TLR8: variants seen among roughly 807,000 people sequenced by gnomAD.
The protein encoded by TLR8 is toll-like receptor 8.
A neutral mutation model predicts 18.5 loss-of-function variants in TLR8; 5 were observed. The ratio of observed to expected loss-of-function variants is 0.27; its 90% CI spans 0.14 to 0.57. The LOEUF is 0.57. TLR8 is among the 20% of genes least tolerant of loss of function. The pLI is 0.92. For missense variants in TLR8, 543 were observed against 769.8 expected (o/e 0.71, Z 3.49); for synonymous variants, 299 against 300.1 (o/e 1.00, Z 0.04).
Position 12,921,026 on chromosome X carries a change from G to A in TLR8, c.1986G>A (p.Leu662=). The change falls in exon 2 of 2, where the codon TTG becomes TTA. Residue 662 remains leucine (L), a synonymous_variant. Transcript: ENST00000218032. ...TCCCAAATGAAGCATTCCTTAATTT[G>A]CCAGCGAGTCTCACTGAACTACATA... is the stretch of plus-strand genomic sequence containing the variant. The part of the protein sequence containing the change: ...KHIPNEAFLN[L]PASLTELHIN... 8.3e-7 allele frequency: 1 copy of A among 1,210,528 alleles called. No homozygotes were observed. Among genetic ancestry groups the A allele is most frequent in the South Asian group, 1.8e-5 (1 of 56,943 alleles).
rs1255052346 is a variant in TLR8 at position 12,920,041 on chromosome X, C to T, written c.1001C>T (p.Thr334Met). The change falls in exon 2 of 2, where the codon ACG becomes ATG. Residue 334 changes from threonine to methionine, a missense_variant. Thr to Met is a moderately conservative substitution (Grantham distance 81). Around this residue, in one of 4 missense-constraint regions of TLR8, gnomAD observed 185 missense variants for 298.9 expected, o/e 0.62. Coordinates refer to ENST00000218032, the MANE Select transcript of TLR8 (RefSeq NM_138636.5). ...GAAATAGCCTCTGGGGCATTTTTAA[C>T]GATGCTGCCCCGCTTAGAAATACTT... Reference protein sequence around the residue: ...VGEIASGAFLTMLPRLEILDL... With the variant: ...VGEIASGAFLMMLPRLEILDL... 1.7e-6 allele frequency: 2 copies of T among 1,208,984 alleles called. No individual in the cohort carries two copies. The highest frequency in any genetic ancestry group is 3.0e-5 in the East Asian group (1 of 33,785).
intron 1 of TLR8, among the ~76,000 whole-genome samples, chrX:12,909,801 C>T (rs1187773330): frequency 2.7e-5 from 3 of 112,003 alleles, no homozygotes; most frequent in African/African-American, 9.7e-5. Context: ...AAACATTCAT[C>T]TCTCTGAGCC....
intron 1 of TLR8, among the ~76,000 whole-genome samples, chrX:12,917,698 T>C (rs889259486): frequency 1.8e-5 from 2 of 112,203 alleles, no homozygotes; most frequent in African/African-American, 6.5e-5. Context: ...TTACAGAAAG[T>C]GAGGCACTCT....
chrX:12,909,906 C>T (rs2043009579), intron 1 of TLR8, among the ~76,000 whole-genome samples: 1 of 111,819 alleles, frequency 8.9e-6, no homozygotes, highest in Admixed American at 9.5e-5. Context: ...ATGCTCCCTA[C>T]CCTATTTCCC....
chrX:12,916,846 C>T (rs1245910546), intron 1 of TLR8, among the ~76,000 whole-genome samples: 2 of 110,561 alleles, frequency 1.8e-5, no homozygotes, highest in Admixed American at 9.7e-5. Flanking sequence ...GATTTCAGTT[C>T]CTTGCAGTTG....
rs191915027 is a variant in TLR8 at position 12,907,823 on chromosome X, G to A, written c.3+1114G>A. On this transcript the variant is annotated intron_variant, in intron 1 of 1. Coordinates refer to ENST00000218032, the MANE Select transcript of TLR8 (RefSeq NM_138636.5). Reference sequence around the variant, plus strand: ...ATTACAGGCATGAGCCACCGCGCCCGGCCTGAAGTTAATTTTTATACCCAC... The same window carrying A: ...ATTACAGGCATGAGCCACCGCGCCCAGCCTGAAGTTAATTTTTATACCCAC... 3.7e-3 allele frequency among the ~76,000 whole-genome samples: 407 copies of A among 110,716 alleles called. 2 individuals carry two copies. Among genetic ancestry groups the A allele is most frequent in the African/African-American group, 0.012 (375 of 30,470 alleles).
chrX:12,922,255 T>C lies in TLR8; in HGVS notation c.*89T>C. The C allele has an allele frequency of 2.8e-6, 3 of 1,077,932 alleles. No homozygotes were observed. The highest frequency in any genetic ancestry group is 3.7e-6 in the Non-Finnish European group (3 of 813,740). The allele number at this position is 1,077,932 out of a possible 1,213,427, so 88.8% of individuals were successfully genotyped here. On this transcript the variant is annotated 3_prime_UTR_variant, in exon 2 of 2. Transcript: ENST00000218032. Reference sequence around the variant, plus strand: ...TTATCTATTGCTATGTAACAAATTATCCCAAAACTTAGTGGTTTAAAACAA... The same window carrying C: ...TTATCTATTGCTATGTAACAAATTACCCCAAAACTTAGTGGTTTAAAACAA...
chrX:12,907,527 T>G (rs958280169), intron 1 of TLR8, among the ~76,000 whole-genome samples: 7 of 112,227 alleles, frequency 6.2e-5, no homozygotes. Context: ...GACAACAATT[T>G]AAAGTACACT....
intron 1 of TLR8, chrX:12,910,478 G>T: frequency 8.7e-7 from 1 of 1,155,613 alleles, no homozygotes; most frequent in South Asian, 1.9e-5. Flanking sequence ...ACAGCTTTAC[G>T]CCCCTCCCAG....
rs936256336 is a variant in TLR8 at position 12,922,414 on chromosome X, T to C, written c.*248T>C. The C allele has an allele frequency of 5.7e-6, 2 of 352,293 alleles. No individual in the cohort carries two copies. Among genetic ancestry groups the C allele is most frequent in the Middle Eastern group, 7.9e-4 (1 of 1,272 alleles). The allele number at this position is 352,293 out of a possible 1,213,427, so 29.0% of individuals were successfully genotyped here. A position where few individuals can be genotyped will look rare whatever the true frequency, so the allele number is the denominator to read the frequency against. On this transcript the variant is annotated 3_prime_UTR_variant, in exon 2 of 2. Transcript: ENST00000218032. ...ATAGGCATCACTGGGGTCACACTCA[T>C]GTGGTTGTTTTCTGGATTCAATTCC...
intron 1 of TLR8, among the ~76,000 whole-genome samples, chrX:12,909,585 T>C (rs888053255): frequency 8.9e-5 from 10 of 111,960 alleles, no homozygotes; most frequent in Middle Eastern, 4.6e-3. Flanking sequence ...TGTGGTAGCC[T>C]GCTCAGTGCA....
Position 12,921,966 on chromosome X carries a change from A to G in TLR8, c.2926A>G (p.Ile976Val). The change falls in exon 2 of 2, where the codon ATA becomes GTA. Residue 976 changes from isoleucine to valine, a missense_variant. Physicochemically the swap from Ile to Val is conservative, Grantham distance 29. Transcript: ENST00000218032. ...AATGGATGAGAACATGGATGTGATT[A>G]TATTTATCCTGCTGGAGCCAGTGTT... ...RLMDENMDVIIFILLEPVLQH... is the reference protein window; with the variant it reads ...RLMDENMDVIVFILLEPVLQH... 8.3e-7 allele frequency: 1 copy of G among 1,211,394 alleles called. No individual in the cohort carries two copies. Among genetic ancestry groups the G allele is most frequent in the South Asian group, 1.8e-5 (1 of 56,896 alleles).
At chrX:12,916,628 A>G (rs1046264469) in intron 1 of TLR8, among the ~76,000 whole-genome samples, 1 of 111,871 alleles carries the variant, frequency 8.9e-6, no homozygotes, top group African/African-American at 3.3e-5. Flanking sequence ...TAGCATCTAG[A>G]TATATTAGTT....
intron 1 of TLR8, among the ~76,000 whole-genome samples, chrX:12,907,422 A>C (rs192738668): frequency 8.9e-6 from 1 of 112,672 alleles, no homozygotes; most frequent in East Asian, 2.8e-4. Flanking sequence ...TAGAAAATTC[A>C]ATGAGGTTTA....
In TLR8 at chrX:12,921,762, A is replaced by G; in HGVS notation, c.2722A>G (p.Ser908Gly). The G allele has an allele frequency of 8.3e-7, 1 of 1,211,536 alleles. No individual in the cohort carries two copies. The highest frequency in any genetic ancestry group is 1.1e-6 in the Non-Finnish European group (1 of 895,398). The change falls in exon 2 of 2, where the codon AGC becomes GGC. Residue 908 changes from serine to glycine, a missense_variant. By Grantham distance (56) the Ser-to-Gly change is moderately conservative (BLOSUM62 0). Transcript: ENST00000218032. ...INELRYHLEE[S>G]RDKNVLLCLE... The stretch of plus-strand genomic sequence containing the variant: ...TGAGCTGCGCTACCACCTTGAAGAG[A>G]GCCGAGACAAAAACGTTCTCCTTTG...
intron 1 of TLR8, chrX:12,910,164 T>C: frequency 2.1e-6 from 1 of 467,955 alleles, no homozygotes; most frequent in Non-Finnish European, 3.4e-6. Flanking sequence ...TCAACATTGT[T>C]AACTGCGAAT....
chrX:12,921,044 A>G lies in TLR8; in HGVS notation c.2004A>G (p.Glu668=), dbSNP rs764370198. 6 of 1,210,545 alleles carry G rather than the reference A, an allele frequency of 5.0e-6. No individual in the cohort carries two copies. The South Asian group carries it at 1.1e-4, about 21-fold the overall frequency. The change falls in exon 2 of 2, where the codon GAA becomes GAG. Residue 668 remains glutamate, a synonymous_variant. Coordinates refer to ENST00000218032, the MANE Select transcript of TLR8 (RefSeq NM_138636.5). The part of the protein sequence containing the change: ...AFLNLPASLT[E]LHINDNMLKF... ...TTAATTTGCCAGCGAGTCTCACTGA[A>G]CTACATATAAATGATAATATGTTAA...
intron 1 of TLR8, among the ~76,000 whole-genome samples, chrX:12,908,040 T>C (rs778538275): frequency 9.0e-6 from 1 of 111,692 alleles, no homozygotes; most frequent in African/African-American, 3.3e-5. Context: ...ATAATTGTAC[T>C]GTAAGAATGT....
In TLR8 at chrX:12,921,059, T is replaced by C. The variant is rs371155732; in HGVS notation, c.2019T>C (p.Asp673=). The change falls in exon 2 of 2, where the codon GAT becomes GAC. Residue 673 remains aspartate (D), a synonymous_variant. Transcript: ENST00000218032. ...PASLTELHIN[D]NMLKFFNWTL... is the part of the protein sequence containing the mutation. ...GTCTCACTGAACTACATATAAATGA[T>C]AATATGTTAAAGTTTTTTAACTGGA... 8 of 1,209,962 alleles carry C rather than the reference T, an allele frequency of 6.6e-6. No individual in the cohort carries two copies. The highest frequency in any genetic ancestry group is 3.0e-5 in the East Asian group (1 of 33,797).
Sources: gnomAD v4.1 joint callset for allele counts (sites outside exome capture counted in the v4.1 genomes callset) on GRCh38, gnomAD v4.1.1 for gene constraint, gnomAD v4.1.1 regional missense constraint, MANE v1.5 for transcripts, NCBI Gene and HGNC (gene_info 2026-07-23, HGNC 2026-07-21) for gene names.